The following GC variants were observed in gnomAD, a reference collection of about 807,000 sequenced individuals.
GC encodes vitamin D-binding protein.
In GC, 43 loss-of-function variants were observed where a neutral mutation model predicts 56.7. The ratio of observed to expected loss-of-function variants is 0.76; its 90% CI spans 0.59 to 0.98. GC has a LOEUF of 0.98. GC is among the 50% of genes least tolerant of loss of function. The probability of loss-of-function intolerance (pLI) is 0.00; values close to 1 mark genes in which losing one functional copy is unlikely to be tolerated. For synonymous variants in GC, 216 were observed against 202.7 expected (o/e 1.07, Z -0.56); for missense variants, 529 against 545.9 (o/e 0.97, Z 0.31).
intron 1 of GC, among the ~76,000 whole-genome samples, chr4:71,776,021 G>A (rs867918140): frequency 3.9e-5 from 6 of 152,012 alleles, no homozygotes; most frequent in Middle Eastern, 3.4e-3. Flanking sequence ...GCAAAAATGT[G>A]GAGAAAAGGG....
At chr4:71,792,755 T>C (rs908833012) in intron 1 of GC, among the ~76,000 whole-genome samples, 5 of 152,222 alleles carry the variant, frequency 3.3e-5, no homozygotes, top group African/African-American at 9.6e-5. Context: ...GTCTGAATGA[T>C]ATTGCCTAGG....
chr4:71,767,524 A>G (rs867721871), intron 3 of GC, among the ~76,000 whole-genome samples: 2 of 151,786 alleles, frequency 1.3e-5, no homozygotes, highest in Non-Finnish European at 2.9e-5. Context: ...CAGTCCTGGC[A>G]TGATGATAAA....
At position 71,799,317 on chromosome 4, in the gene GC, G is replaced by A. The variant is rs1046232659; in HGVS notation, c.21+4609C>T. ...GATATAACTGAGAGAACAGGACTCTGTTTACCCCCATCTCTCAATGGAGGG... is the reference window on the plus strand; with the variant it reads ...GATATAACTGAGAGAACAGGACTCTATTTACCCCCATCTCTCAATGGAGGG... On this transcript the variant is annotated intron_variant, in intron 1 of 13. Coordinates refer to the GC transcript ENST00000504199. Among the ~76,000 whole-genome samples the A allele has an allele frequency of 6.6e-5, 10 of 152,262 alleles. No individual in the cohort carries two copies. In the East Asian group the frequency reaches 1.9e-3, roughly 29 times the overall value.
In GC at chr4:71,769,504, C is replaced by T. The variant is rs562282590; in HGVS notation, c.59-104G>A. 3.3e-5 allele frequency: 25 copies of T among 753,118 alleles called. No homozygotes were observed. The Middle Eastern group carries it at 3.6e-3, about 109-fold the overall frequency. 46.7% of individuals were successfully genotyped at this position (753,118 alleles called of 1,614,324 possible). On this transcript the variant is annotated intron_variant, in intron 1 of 12. Coordinates refer to ENST00000273951, the MANE Select transcript of GC (RefSeq NM_000583.4). ...CTTCCACGTGGCCTACAATGAAAGT[C>T]GTATTTTCTCAATGTCTATATGCAA...
In GC at chr4:71,767,647, G is replaced by A. The variant is rs1187161679; in HGVS notation, c.261+654C>T. Among the ~76,000 whole-genome samples the A allele has an allele frequency of 4.7e-5, 7 of 148,402 alleles. No homozygotes were observed. In the East Asian group the frequency reaches 1.4e-3, roughly 29 times the overall value. ...TATTAAATTATATAATATATAAAATGTATATATACATATATATTTAATTTC... is the reference window on the plus strand; with the variant it reads ...TATTAAATTATATAATATATAAAATATATATATACATATATATTTAATTTC... On this transcript the variant is annotated intron_variant, in intron 3 of 12. Coordinates refer to ENST00000273951, the MANE Select transcript of GC (RefSeq NM_000583.4).
chr4:71,787,405 A>G (rs972214320), upstream of GC, among the ~76,000 whole-genome samples: 2 of 151,646 alleles, frequency 1.3e-5, no homozygotes, highest in African/African-American at 2.4e-5. Context: ...CCCTTACTCT[A>G]TTTTACGTGT....
At chr4:71,795,130 T>G (rs1230964615) in intron 1 of GC, among the ~76,000 whole-genome samples, 1 of 152,204 alleles carries the variant, frequency 6.6e-6, no homozygotes, top group East Asian at 1.9e-4. Context: ...AGAATGTATA[T>G]TCTGTTGATT....
intron 8 of GC, 107 bp downstream of exon 8, chr4:71,756,605 T>A: frequency 1.4e-6 from 1 of 704,238 alleles, no homozygotes; most frequent in Non-Finnish European, 2.5e-6. Flanking sequence ...GTACTTTGCC[T>A]ATGTTTGAAA....
chr4:71,744,855 C>T (rs1169186773), intron 12 of GC, among the ~76,000 whole-genome samples: 1 of 152,118 alleles, frequency 6.6e-6, no homozygotes, highest in Non-Finnish European at 1.5e-5. Context: ...TTAGCAGCAA[C>T]AGAGATCAGA....
chr4:71,762,330 C>T (rs1049764305), intron 6 of GC, among the ~76,000 whole-genome samples: 1 of 152,200 alleles, frequency 6.6e-6, no homozygotes, highest in East Asian at 1.9e-4. Context: ...TTTTTAATGG[C>T]TGCATTTACC....
chr4:71,769,244 A>T, intron 2 of GC, 87 bp downstream of exon 2: 1 of 951,020 alleles, frequency 1.1e-6, no homozygotes. Flanking sequence ...ATTAAGGATT[A>T]ACCTCCATGC....
intron 1 of GC, among the ~76,000 whole-genome samples, chr4:71,791,521 G>A (rs988697945): frequency 2.6e-5 from 4 of 152,014 alleles, no homozygotes; most frequent in African/African-American, 7.2e-5. Context: ...TGGAAAGAAC[G>A]TAAACCTCGA....
intron 1 of GC, among the ~76,000 whole-genome samples, chr4:71,803,756 A>G (rs1345633766): frequency 3.3e-5 from 5 of 152,220 alleles, no homozygotes; most frequent in African/African-American, 9.7e-5. Context: ...ATACACATCA[A>G]TATTCCTTGA....
chr4:71,795,565 G>A (rs558738140), intron 1 of GC, among the ~76,000 whole-genome samples: 1 of 152,138 alleles, frequency 6.6e-6, no homozygotes, highest in Non-Finnish European at 1.5e-5. Flanking sequence ...CATGTGAAAT[G>A]CGCCTCCTGA....
intron 10 of GC, among the ~76,000 whole-genome samples, chr4:71,753,909 A>G (rs1366557150): frequency 6.6e-6 from 1 of 152,106 alleles, no homozygotes; most frequent in East Asian, 1.9e-4. Flanking sequence ...CTATGTGCTC[A>G]TTTTGCCATT....
chr4:71,796,799 G>GT (rs1743117032), intron 1 of GC, among the ~76,000 whole-genome samples: 1 of 152,148 alleles, frequency 6.6e-6, no homozygotes, highest in Non-Finnish European at 1.5e-5. Flanking sequence ...CATCTTTGTG[G>GT]TTTTGTCTAC....
At chr4:71,751,803 G>C (rs1741564422) in intron 11 of GC, among the ~76,000 whole-genome samples, 1 of 151,866 alleles carries the variant, frequency 6.6e-6, no homozygotes, top group Admixed American at 6.6e-5. Flanking sequence ...TTCAGAGTTT[G>C]GAGACAATTG....
At chr4:71,776,724 A>T (rs1345037012) in intron 1 of GC, among the ~76,000 whole-genome samples, 1 of 152,060 alleles carries the variant, frequency 6.6e-6, no homozygotes, top group East Asian at 1.9e-4. Flanking sequence ...TTATATATAG[A>T]TATCAAACTA....
chr4:71,761,995 C>T (rs1221761635), intron 6 of GC, among the ~76,000 whole-genome samples: 1 of 152,172 alleles, frequency 6.6e-6, no homozygotes, highest in Non-Finnish European at 1.5e-5. Context: ...TACTGGGGCA[C>T]TGCCTTATGG....
Sources: gnomAD v4.1 joint callset for allele counts (sites outside exome capture counted in the v4.1 genomes callset) on GRCh38, gnomAD v4.1.1 for gene constraint, MANE v1.5 for transcripts, NCBI Gene and HGNC (gene_info 2026-07-23, HGNC 2026-07-21) for gene names.